The following SNX16 variants were observed in gnomAD, a reference collection of about 807,000 sequenced individuals.
SNX16 encodes the protein sorting nexin-16.
A neutral mutation model predicts 36.7 loss-of-function variants in SNX16; 35 were observed. That is an observed-to-expected ratio of 0.95 (90% confidence interval 0.73 to 1.27). SNX16 has a LOEUF of 1.27. Ranked by LOEUF, SNX16 falls within the 50% of genes most tolerant of loss-of-function variation. The pLI, the probability that SNX16 is intolerant of heterozygous loss-of-function variation, is 0.00. For missense variants in SNX16, 367 were observed against 393.6 expected, an observed-to-expected ratio of 0.93 and a Z score of 0.57; for synonymous variants, 134 against 132.0, an observed-to-expected ratio of 1.02 and a Z score of -0.10.
intron 4 of SNX16, among the ~76,000 whole-genome samples, chr8:81,822,958 A>G (rs368320078): frequency 5.3e-4 from 26 of 49,466 alleles, no homozygotes; most frequent in Non-Finnish European, 9.5e-4. Context: ...ATATATATAT[A>G]TATATATATA....
chr8:81,836,015 T>C (rs1811478045), intron 2 of SNX16, among the ~76,000 whole-genome samples: 1 of 152,212 alleles, frequency 6.6e-6, no homozygotes, highest in African/African-American at 2.4e-5. Flanking sequence ...AAGTTAGCTA[T>C]ACTTCCTAAT....
At chr8:81,841,365 T>C (rs1014654057) in intron 1 of SNX16, among the ~76,000 whole-genome samples, 7 of 151,850 alleles carry the variant, frequency 4.6e-5, no homozygotes, top group African/African-American at 1.7e-4. Context: ...AAAAAGATTT[T>C]TAACTCAAGT....
Position 81,802,431 on chromosome 8 carries a change from AC to A in SNX16, c.886del (p.Val296TrpfsTer25). On this transcript the variant is annotated frameshift_variant, in exon 7 of 8. Coordinates refer to ENST00000345957, the MANE Select transcript of SNX16 (RefSeq NM_152836.3). LOFTEE classifies it high-confidence loss of function. ...ATCAACCTCAAGTGCAGAGGACTCC[AC>A]CTTTAGGATCTGTTCACCTTCTGTT... is the stretch of plus-strand genomic sequence containing the variant. ...SETEGEQILK[V>X]ESSALEVDQD... The A allele has an allele frequency of 6.2e-7, 1 of 1,610,496 alleles. No homozygotes were observed. Among genetic ancestry groups the A allele is most frequent in the Non-Finnish European group, 8.5e-7 (1 of 1,177,626 alleles).
At chr8:81,813,637 G>C (rs1469093803) in intron 5 of SNX16, among the ~76,000 whole-genome samples, 3 of 151,840 alleles carry the variant, frequency 2.0e-5, no homozygotes. Flanking sequence ...TTAAGAGGAT[G>C]AAAAGACACC....
At chr8:81,809,333 T>C (rs115045796) in intron 5 of SNX16, among the ~76,000 whole-genome samples, 1,579 of 152,254 alleles carry the variant, frequency 0.01, 23 homozygotes, top group African/African-American at 0.035. Flanking sequence ...GCACATCTTA[T>C]GCAATATATT....
chr8:81,839,820 C>T lies in SNX16; in HGVS notation c.167G>A (p.Ser56Asn), dbSNP rs1389289215. The T allele has an allele frequency of 1.2e-6, 2 of 1,613,708 alleles. No individual in the cohort carries two copies. Among genetic ancestry groups the T allele is most frequent in the South Asian group, 1.1e-5 (1 of 91,080 alleles). ...AGTATTATCCATTTGATCAGGAACACTTGTCTGTTTAAAATTACCCATATT... is the reference window on the plus strand; with the variant it reads ...AGTATTATCCATTTGATCAGGAACATTTGTCTGTTTAAAATTACCCATATT... ...DSNMGNFKQT[S>N]VPDQMDNTSS... Residue 56 changes from serine to asparagine, a missense_variant, in exon 2 of 8, where the codon AGT becomes AAT. Coordinates refer to ENST00000345957, the MANE Select transcript of SNX16 (RefSeq NM_152836.3).
intron 5 of SNX16, among the ~76,000 whole-genome samples, chr8:81,807,408 A>G (rs1810005356): frequency 6.6e-6 from 1 of 150,614 alleles, no homozygotes; most frequent in African/African-American, 2.4e-5. Context: ...AATCCCAGCT[A>G]CTCAGGAGGC....
chr8:81,822,949 T>C (rs1326453809), intron 4 of SNX16, among the ~76,000 whole-genome samples: 3 of 54,674 alleles, frequency 5.5e-5, no homozygotes, highest in East Asian at 2.8e-4. Context: ...TACATATACA[T>C]ATATATATAT....
intron 4 of SNX16, among the ~76,000 whole-genome samples, chr8:81,822,983 T>G (rs1277738142): frequency 6.8e-6 from 1 of 146,966 alleles, no homozygotes; most frequent in Non-Finnish European, 1.5e-5. Flanking sequence ...TATACACATA[T>G]GTGTGTGTAT....
rs16909651 is a variant in SNX16, at chr8:81,815,334, T to C, written c.672A>G (p.Glu224=). 0.19 allele frequency: 306,435 copies of C among 1,610,282 alleles called. 31,296 individuals are homozygous for C. Among genetic ancestry groups the C allele is most frequent in the South Asian group, 0.24 (21,697 of 90,938 alleles). The change falls in exon 5 of 8, where the codon GAA becomes GAG. Residue 224 remains glutamate (E), a synonymous_variant. Transcript: ENST00000345957. ...ATAATACAGCACTTACCCTGCTTTC[T>C]TCTAGGCTATCAAATGGACCCGGTG... ...DDPPGPFDSL[E]ESRAFCETLE...
chr8:81,839,284 T>C (rs998594004), intron 2 of SNX16, among the ~76,000 whole-genome samples: 1 of 152,084 alleles, frequency 6.6e-6, no homozygotes, highest in Non-Finnish European at 1.5e-5. Context: ...AGTACAAAAA[T>C]AGGCAAAATT....
chr8:81,822,982 A>ATG (rs1810844447), intron 4 of SNX16, among the ~76,000 whole-genome samples: 1 of 138,882 alleles, frequency 7.2e-6, no homozygotes, highest in South Asian at 2.3e-4. Flanking sequence ...ATATACACAT[A>ATG]TGTGTGTGTA....
intron 2 of SNX16, among the ~76,000 whole-genome samples, chr8:81,834,080 C>T (rs903840211): frequency 2.0e-5 from 3 of 152,124 alleles, no homozygotes; most frequent in Non-Finnish European, 4.4e-5. Context: ...GGGCAATTTA[C>T]AAAAGAAAGA....
At chr8:81,824,332 TA>T (rs1810918341) in intron 3 of SNX16, among the ~76,000 whole-genome samples, 1 of 152,132 alleles carries the variant, frequency 6.6e-6, no homozygotes, top group Non-Finnish European at 1.5e-5. Context: ...ACCTTCCCTT[TA>T]AAAAAATTAG....
chr8:81,837,368 T>C (rs1811537420), intron 2 of SNX16, among the ~76,000 whole-genome samples: 1 of 152,238 alleles, frequency 6.6e-6, no homozygotes, highest in South Asian at 2.1e-4. Context: ...ACCTTGTATT[T>C]GGCCAAATAC....
chr8:81,815,402 A>C lies in SNX16; in HGVS notation c.612-8T>G. 8.1e-6 allele frequency: 13 copies of C among 1,608,032 alleles called. No individual in the cohort carries two copies. The highest frequency in any genetic ancestry group is 1.1e-5 in the Non-Finnish European group (13 of 1,177,484). On this transcript the variant is annotated splice_region_variant and splice_polypyrimidine_tract_variant and intron_variant, in intron 4 of 7. Transcript: ENST00000345957. ...AATTCTCTCACTGCAAGGCTTTTCA[A>C]AGGAAAAAAAAAATGATCTGAAGTA...
chr8:81,831,809 T>TA (rs948612359), intron 2 of SNX16, among the ~76,000 whole-genome samples: 3 of 146,420 alleles, frequency 2.0e-5, no homozygotes, highest in Non-Finnish European at 3.0e-5. Flanking sequence ...CTAAGAAACA[T>TA]AAAAAAAATG....
intron 7 of SNX16, among the ~76,000 whole-genome samples, chr8:81,802,130 C>G (rs997670922): frequency 1.3e-5 from 2 of 151,754 alleles, no homozygotes; most frequent in Admixed American, 6.6e-5. Flanking sequence ...CCAGTTAATG[C>G]AGACACAGCT....
At chr8:81,841,160 G>A (rs1187808160) in intron 1 of SNX16, among the ~76,000 whole-genome samples, 1 of 152,104 alleles carries the variant, frequency 6.6e-6, no homozygotes, top group Non-Finnish European at 1.5e-5. Context: ...GGCCAACATG[G>A]TGAAACCCCG....
Sources: gnomAD v4.1 joint callset for allele counts (sites outside exome capture counted in the v4.1 genomes callset) on GRCh38, gnomAD v4.1.1 for gene constraint, MANE v1.5 for transcripts, NCBI Gene and HGNC (gene_info 2026-07-23, HGNC 2026-07-21) for gene names.